Variants in CUTC observed in about 807,000 individuals in gnomAD.
CUTC encodes copper homeostasis protein cutC homolog.
A neutral mutation model predicts 36.2 loss-of-function variants in CUTC; 27 were observed. The observed-to-expected ratio is 0.75, with a 90% CI of 0.55 to 1.03. The LOEUF (loss-of-function observed/expected upper bound fraction) is 1.03. CUTC is among the 50% of genes least tolerant of loss of function. The pLI is 0.00. For synonymous variants in CUTC, 114 were observed against 118.3 expected, an observed-to-expected ratio of 0.96 and a Z score of 0.24; for missense variants, 315 against 343.5, an observed-to-expected ratio of 0.92 and a Z score of 0.66.
At chr10:99,738,237 A>T (rs2037312673) in intron 2 of CUTC, among the ~76,000 whole-genome samples, 1 of 152,150 alleles carries the variant, frequency 6.6e-6, no homozygotes, top group East Asian at 1.9e-4. Flanking sequence ...AGAAATCCAT[A>T]AATAATGTGG....
intron 1 of CUTC, 30 bp downstream of exon 1, chr10:99,732,439 C>T (rs1202543761): frequency 1.3e-6 from 2 of 1,548,444 alleles, no homozygotes; most frequent in Non-Finnish European, 1.7e-6. Flanking sequence ...AGGGGACGGT[C>T]GGCCGAAGGC....
In CUTC at chr10:99,739,748, G is replaced by T. The variant is rs776782870; in HGVS notation, c.172G>T (p.Gly58Trp). 8 of 1,611,094 alleles carry T rather than the reference G, an allele frequency of 5.0e-6. No individual in the cohort carries two copies. Among genetic ancestry groups the T allele is most frequent in the East Asian group, 2.2e-5 (1 of 44,672 alleles). The change falls in exon 3 of 9, where the codon GGG (glycine) becomes TGG (tryptophan). Residue 58 changes from glycine to tryptophan, a missense_variant. Gly to Trp is a radical substitution (Grantham distance 184). Transcript: ENST00000370476. ...TGAATTATGTTCTGGTTTATCAGAG[G>T]GGGGAACTACACCCAGCATGGGTAA... is the stretch of plus-strand genomic sequence containing the variant. ...RIELCSGLSE[G>W]GTTPSMGVLQ...
chr10:99,732,260 C>CAGCTGTTGACGCGCTTCTT lies in CUTC; in HGVS notation c.-83_-65dup. On this transcript the variant is annotated 5_prime_UTR_variant, in exon 1 of 9. Coordinates refer to ENST00000370476, the MANE Select transcript of CUTC (RefSeq NM_015960.3). Reference sequence around the variant, plus strand: ...TCGGGGACGCGCGCACGGGCGCGCGCAGCTGTTGACGCGCTTCTTAGCTGG... The same window carrying CAGCTGTTGACGCGCTTCTT: ...TCGGGGACGCGCGCACGGGCGCGCGCAGCTGTTGACGCGCTTCTTAGCTGTTGACGCGCTTCTTAGCTGG... 6.5e-7 allele frequency: 1 copy of CAGCTGTTGACGCGCTTCTT among 1,532,816 alleles called. No individual in the cohort carries two copies. The highest frequency in any genetic ancestry group is 8.8e-7 in the Non-Finnish European group (1 of 1,138,748). 95.0% of individuals were successfully genotyped at this position (1,532,816 alleles called of 1,614,324 possible).
At chr10:99,747,708 A>G (rs920979280) in intron 6 of CUTC, among the ~76,000 whole-genome samples, 1 of 152,086 alleles carries the variant, frequency 6.6e-6, no homozygotes, top group African/African-American at 2.4e-5. Flanking sequence ...TAGTTTAGAT[A>G]TAAGGTCTTG....
At position 99,755,915 on chromosome 10, in the gene CUTC, A is replaced by C. The variant is rs112287829; in HGVS notation, c.*176A>C. 45 of 553,298 alleles carry C rather than the reference A, an allele frequency of 8.1e-5. 3 individuals are homozygous for C. Among genetic ancestry groups the C allele is most frequent in the African/African-American group, 6.5e-4 (34 of 52,684 alleles). 34.3% of individuals were successfully genotyped at this position (553,298 alleles called of 1,614,324 possible). A position where few individuals can be genotyped will look rare whatever the true frequency, so the allele number is the denominator to read the frequency against. On this transcript the variant is annotated 3_prime_UTR_variant, in exon 9 of 9. Transcript: ENST00000370476. ...AAGAAAAAGAATTTGAAACAGAGAT[A>C]CAGTCACTTCCTTTGCTTAGTCTTA...
chr10:99,747,407 T>A lies in CUTC; in HGVS notation c.573+17T>A. 6.2e-7 allele frequency: 1 copy of A among 1,612,462 alleles called. No individual in the cohort carries two copies. The highest frequency in any genetic ancestry group is 8.5e-7 in the Non-Finnish European group (1 of 1,178,902). On this transcript the variant is annotated intron_variant, in intron 6 of 8. Coordinates refer to ENST00000370476, the MANE Select transcript of CUTC (RefSeq NM_015960.3). ...ATTGAGCAGGTACGTGGACTTTATC[T>A]TTTTTTCCCCTAAGACTCTGTTGTG...
At chr10:99,753,351 A>G (rs1405242038) in intron 7 of CUTC, among the ~76,000 whole-genome samples, 1 of 152,226 alleles carries the variant, frequency 6.6e-6, no homozygotes, top group Non-Finnish European at 1.5e-5. Flanking sequence ...ATAGCTGTGA[A>G]GAGCTACAGT....
At chr10:99,736,939 G>T (rs371047300) in intron 2 of CUTC, among the ~76,000 whole-genome samples, 2 of 152,106 alleles carry the variant, frequency 1.3e-5, no homozygotes, top group South Asian at 2.1e-4. Flanking sequence ...GGACACATTT[G>T]ATCTTTATCA....
intron 3 of CUTC, among the ~76,000 whole-genome samples, chr10:99,742,207 T>TTTA (rs920318252): frequency 4.0e-4 from 61 of 152,070 alleles, no homozygotes; most frequent in East Asian, 3.7e-3. Flanking sequence ...TGTCTGTTTT[T>TTTA]TTATTATTAT....
At chr10:99,751,071 C>A (rs1036504707) in intron 7 of CUTC, among the ~76,000 whole-genome samples, 2 of 152,046 alleles carry the variant, frequency 1.3e-5, no homozygotes, top group African/African-American at 4.8e-5. Context: ...ATAATGAATA[C>A]TCATATGCTC....
intron 6 of CUTC, among the ~76,000 whole-genome samples, chr10:99,748,656 T>G (rs1192171947): frequency 6.6e-6 from 1 of 152,144 alleles, no homozygotes; most frequent in Non-Finnish European, 1.5e-5. Flanking sequence ...ACCCCAAATT[T>G]GGGGAAATGA....
rs1175153447 is a variant in CUTC, at chr10:99,755,644, G to A, written c.727G>A (p.Gly243Arg). Reference protein sequence around the residue: ...MKFRNSSVAMGASLSCSEYSL... With the variant: ...MKFRNSSVAMRASLSCSEYSL... ...TTACAGAAATTCATCTGTTGCCATG[G>A]GAGCCTCACTTTCTTGCTCAGAATA... Residue 243 changes from glycine (G) to arginine (R), a missense_variant, in exon 9 of 9, where the codon GGA becomes AGA. Gly to Arg is a moderately radical substitution (Grantham distance 125). Coordinates refer to ENST00000370476, the MANE Select transcript of CUTC (RefSeq NM_015960.3). 6.2e-7 allele frequency: 1 copy of A among 1,612,502 alleles called. No homozygotes were observed. The highest frequency in any genetic ancestry group is 1.1e-5 in the South Asian group (1 of 90,982).
At chr10:99,739,934 A>G (rs1484455702) in intron 3 of CUTC, among the ~76,000 whole-genome samples, 165 bp downstream of exon 3, 2 of 152,222 alleles carry the variant, frequency 1.3e-5, no homozygotes, top group Non-Finnish European at 2.9e-5. Context: ...TTGATCAAAC[A>G]TATTTCTTTC....
intron 2 of CUTC, 120 bp from the exon 3 acceptor site, chr10:99,739,590 G>A: frequency 1.2e-6 from 1 of 862,122 alleles, no homozygotes; most frequent in Non-Finnish European, 1.8e-6. Flanking sequence ...TTTATAATTT[G>A]ATTTCTCTGA....
At chr10:99,736,773 CAT>C (rs2133662824) in intron 2 of CUTC, among the ~76,000 whole-genome samples, 1 of 152,058 alleles carries the variant, frequency 6.6e-6, no homozygotes, top group East Asian at 1.9e-4. Flanking sequence ...GAAAAATAAA[CAT>C]ATACAAAAGT....
intron 3 of CUTC, among the ~76,000 whole-genome samples, chr10:99,740,497 G>C (rs2037333867): frequency 6.6e-6 from 1 of 151,850 alleles, no homozygotes; most frequent in African/African-American, 2.4e-5. Flanking sequence ...CTGACAAAAA[G>C]CTATCATCCA....
chr10:99,747,411 T>C, intron 6 of CUTC, 21 bp downstream of exon 6: 2 of 1,613,824 alleles, frequency 1.2e-6, no homozygotes, highest in East Asian at 2.2e-5. Context: ...TTTATCTTTT[T>C]TTCCCCTAAG....
At chr10:99,746,412 T>C (rs1053150065) in intron 5 of CUTC, among the ~76,000 whole-genome samples, 2 of 152,158 alleles carry the variant, frequency 1.3e-5, no homozygotes, top group Middle Eastern at 3.4e-3. Flanking sequence ...CTATGAGTAC[T>C]AGGCTTAATA....
chr10:99,746,606 A>G (rs963885488), intron 5 of CUTC, among the ~76,000 whole-genome samples: 2 of 152,144 alleles, frequency 1.3e-5, no homozygotes, highest in South Asian at 2.1e-4. Context: ...TTAAGTAAAT[A>G]TACTATTTAA....
Sources: allele counts gnomAD v4.1 joint callset (sites outside exome capture counted in the v4.1 genomes callset), GRCh38; gene constraint gnomAD v4.1.1; transcripts MANE v1.5; gene names NCBI Gene and HGNC (gene_info 2026-07-23, HGNC 2026-07-21).